PTGFR: variants seen among roughly 807,000 people sequenced by gnomAD.
PTGFR encodes prostaglandin F receptor.
In PTGFR, 15 loss-of-function variants were observed where a neutral mutation model predicts 26.2. The ratio of observed to expected loss-of-function variants is 0.57; its 90% CI spans 0.38 to 0.88. PTGFR has a LOEUF of 0.88. PTGFR is among the 40% of genes least tolerant of loss of function. The probability of loss-of-function intolerance (pLI) is 0.00; values close to 1 mark genes in which losing one functional copy is unlikely to be tolerated. For synonymous variants in PTGFR, 165 were observed against 151.1 expected, an observed-to-expected ratio of 1.09 and a Z score of -0.68; for missense variants, 369 against 427.2, an observed-to-expected ratio of 0.86 and a Z score of 1.20.
At chr1:78,507,453 G>T (rs1649854419) in intron 2 of PTGFR, among the ~76,000 whole-genome samples, 1 of 152,054 alleles carries the variant, frequency 6.6e-6, no homozygotes. Context: ...TTTTAGATTT[G>T]AATTGTTATT....
rs1030798498 is a variant in PTGFR at position 78,539,184 on chromosome 1, A to G, written c.*2497A>G. On this transcript the variant is annotated 3_prime_UTR_variant, in exon 3 of 3. Coordinates refer to ENST00000370757, the MANE Select transcript of PTGFR (RefSeq NM_000959.4). ...TTTTTTTCCCTAGAGGCAGAAAGTT[A>G]CTTCTAATGATCTATATAGCTAAAA... 2.6e-5 allele frequency: 4 copies of G among 151,866 alleles called. No individual in the cohort carries two copies. The highest frequency in any genetic ancestry group is 7.3e-5 in the African/African-American group (3 of 41,376). 9.4% of individuals were successfully genotyped at this position (151,866 alleles called of 1,614,324 possible).
In PTGFR at chr1:78,530,852, G is replaced by A. The variant is rs148264478; in HGVS notation, c.799-5554G>A. 5.3e-3 allele frequency among the ~76,000 whole-genome samples: 800 copies of A among 152,282 alleles called. 5 individuals carry two copies. Among genetic ancestry groups the A allele is most frequent in the African/African-American group, 0.018 (756 of 41,570 alleles). ...AGACTTGGGCTGAAATTTTGCCTTT[G>A]CCACTTACCAGCAGTGTGAACTTGG... On this transcript the variant is annotated intron_variant, in intron 2 of 2. Coordinates refer to ENST00000370757, the MANE Select transcript of PTGFR (RefSeq NM_000959.4).
chr1:78,527,917 T>G (rs1650410226), intron 2 of PTGFR, among the ~76,000 whole-genome samples: 1 of 152,078 alleles, frequency 6.6e-6, no homozygotes, highest in Admixed American at 6.6e-5. Flanking sequence ...ATCTTTTTCT[T>G]GATGGAGTTG....
intron 2 of PTGFR, among the ~76,000 whole-genome samples, chr1:78,514,227 C>A (rs1343811373): frequency 6.6e-6 from 1 of 152,334 alleles, no homozygotes; most frequent in Non-Finnish European, 1.5e-5. Context: ...CACAGGCTCT[C>A]AACTCCAACC....
chr1:78,506,588 T>A (rs1379040284), intron 2 of PTGFR, among the ~76,000 whole-genome samples: 1 of 152,040 alleles, frequency 6.6e-6, no homozygotes, highest in African/African-American at 2.4e-5. Flanking sequence ...TTTGTTTGAT[T>A]TTTTTACCTT....
At chr1:78,514,406 G>A (rs902752816) in intron 2 of PTGFR, among the ~76,000 whole-genome samples, 1 of 152,212 alleles carries the variant, frequency 6.6e-6, no homozygotes, top group Non-Finnish European at 1.5e-5. Context: ...TAGGACTTGT[G>A]TGGGGCCTGT....
chr1:78,500,591 C>T (rs1649678702), intron 2 of PTGFR, among the ~76,000 whole-genome samples: 1 of 152,186 alleles, frequency 6.6e-6, no homozygotes, highest in Admixed American at 6.5e-5. Context: ...CTTGCAGCTC[C>T]TCTCCTACCC....
At chr1:78,535,937 G>A (rs1650639424) in intron 2 of PTGFR, among the ~76,000 whole-genome samples, 1 of 152,106 alleles carries the variant, frequency 6.6e-6, no homozygotes, top group African/African-American at 2.4e-5. Flanking sequence ...TAGTTAAGAA[G>A]CAGAAAATCT....
chr1:78,492,632 G>A, intron 1 of PTGFR, 40 bp from the exon 2 acceptor site: 1 of 1,042,130 alleles, frequency 9.6e-7, no homozygotes, highest in Non-Finnish European at 1.4e-6. Context: ...CAGATGAGCA[G>A]TAATGCGGTG....
chr1:78,509,270 G>A (rs59141469), intron 2 of PTGFR, among the ~76,000 whole-genome samples: 12,452 of 152,140 alleles, frequency 0.082, 852 homozygotes, highest in African/African-American at 0.19. Context: ...TGCTGACAAT[G>A]GTGGTCATCA....
chr1:78,522,311 T>A lies in PTGFR; in HGVS notation c.799-14095T>A, dbSNP rs1650263255. 2.0e-5 allele frequency among the ~76,000 whole-genome samples: 3 copies of A among 152,060 alleles called. No homozygotes were observed. The South Asian group carries it at 6.2e-4, about 32-fold the overall frequency. On this transcript the variant is annotated intron_variant, in intron 2 of 2. Coordinates refer to ENST00000370757, the MANE Select transcript of PTGFR (RefSeq NM_000959.4). ...TCTGCCTTTAAAGGGACTCATGTGA[T>A]TAAATTAGTCCCACTTAGATAATCT...
intron 2 of PTGFR, among the ~76,000 whole-genome samples, chr1:78,528,015 G>A (rs1650412731): frequency 6.6e-6 from 1 of 152,016 alleles, no homozygotes; most frequent in African/African-American, 2.4e-5. Flanking sequence ...ATTATGTGGG[G>A]TATAACCATT....
chr1:78,498,656 AC>A (rs1481323184), intron 2 of PTGFR, among the ~76,000 whole-genome samples: 2 of 152,132 alleles, frequency 1.3e-5, no homozygotes, highest in Admixed American at 1.3e-4. Flanking sequence ...CCTGCAATAT[AC>A]CCATGCAACA....
chr1:78,491,389 A>T (rs977884288), intron 1 of PTGFR, among the ~76,000 whole-genome samples, 153 bp downstream of exon 1: 1 of 152,214 alleles, frequency 6.6e-6, no homozygotes, highest in African/African-American at 2.4e-5. Flanking sequence ...AGGGAGACGC[A>T]TAGAGAAAGA....
At chr1:78,493,752 T>G (rs1649475318) in intron 2 of PTGFR, among the ~76,000 whole-genome samples, 1 of 152,262 alleles carries the variant, frequency 6.6e-6, no homozygotes, top group Non-Finnish European at 1.5e-5. Context: ...GCTAAACAAT[T>G]CTAACCATAG....
chr1:78,495,566 A>C (rs1174846990), intron 2 of PTGFR, among the ~76,000 whole-genome samples: 12 of 152,250 alleles, frequency 7.9e-5, no homozygotes, highest in African/African-American at 2.9e-4. Context: ...ACCTCAAAAC[A>C]GTGAAATAGT....
At chr1:78,531,577 G>T (rs1004291686) in intron 2 of PTGFR, among the ~76,000 whole-genome samples, 1 of 152,118 alleles carries the variant, frequency 6.6e-6, no homozygotes, top group Non-Finnish European at 1.5e-5. Context: ...AGAAGTTAAA[G>T]GTCATAGAGA....
chr1:78,498,845 C>T (rs1649626099), intron 2 of PTGFR, among the ~76,000 whole-genome samples: 1 of 152,110 alleles, frequency 6.6e-6, no homozygotes, highest in Admixed American at 6.6e-5. Flanking sequence ...AGCTAGTTTT[C>T]TTTGTGAAGC....
chr1:78,539,262 G>T lies in PTGFR; in HGVS notation c.*2575G>T, dbSNP rs1650735015. 6.6e-6 allele frequency: 1 copy of T among 151,832 alleles called. No homozygotes were observed. The highest frequency in any genetic ancestry group is 1.5e-5 in the Non-Finnish European group (1 of 67,934). The allele number at this position is 151,832 out of a possible 1,614,324, so 9.4% of individuals were successfully genotyped here. On this transcript the variant is annotated 3_prime_UTR_variant, in exon 3 of 3. Coordinates refer to ENST00000370757, the MANE Select transcript of PTGFR (RefSeq NM_000959.4). ...CATATGTAGATATATTTTGTTATGT[G>T]ATAAATGTTTCTTGTTTGCACACTT...
Sources: gnomAD v4.1 joint callset for allele counts (sites outside exome capture counted in the v4.1 genomes callset) on GRCh38, gnomAD v4.1.1 for gene constraint, MANE v1.5 for transcripts, NCBI Gene and HGNC (gene_info 2026-07-23, HGNC 2026-07-21) for gene names.